Variants in HR observed in about 807,000 individuals in gnomAD.
HR encodes the protein HR lysine demethylase and nuclear receptor corepressor, also known as lysine-specific demethylase hairless.
Under a neutral mutation model 128.6 loss-of-function variants are expected in HR, and 83 were observed. The observed-to-expected ratio is 0.65, with a 90% CI of 0.54 to 0.77. The LOEUF is 0.77. Ranked by LOEUF, HR falls within the 30% of genes least tolerant of loss-of-function variation. The pLI is 0.00. For synonymous variants in HR, 681 were observed against 658.2 expected (o/e 1.03, Z -0.53); for missense variants, 1,490 against 1,574.6 (o/e 0.95, Z 0.91).
At chr8:22,123,617 T>TGGGCGCC in intron 6 of HR, 32 bp downstream of exon 6, 1 of 292,092 alleles carries the variant, frequency 3.4e-6, no homozygotes, top group Non-Finnish European at 6.2e-6. Flanking sequence ...GAGGGCTCCA[T>TGGGCGCC]CCCGCCCTCC....
chr8:22,115,717 A>G lies in HR; in HGVS notation c.3553T>C (p.Leu1185=), dbSNP rs1413632731. ...GCATCCCTCTATTTGGCCTCCTGTA[A>G]TGTCCCCACGGCCACCTTCACTGCT... The part of the protein sequence containing the change: ...FQAVKVAVGT[L]QEAK The change falls in exon 19 of 19, where the codon TTA becomes CTA. Residue 1185 remains leucine, a synonymous_variant. Coordinates refer to ENST00000381418, the MANE Select transcript of HR (RefSeq NM_005144.5). 1 of 1,613,672 alleles carries G rather than the reference A, an allele frequency of 6.2e-7. No homozygotes were observed. Among genetic ancestry groups the G allele is most frequent in the African/African-American group, 1.3e-5 (1 of 74,788 alleles).
At position 22,115,709 on chromosome 8, in the gene HR, C is replaced by T. The variant is rs757184282; in HGVS notation, c.3561G>A (p.Glu1187=). 12 of 1,613,982 alleles carry T rather than the reference C, an allele frequency of 7.4e-6. No individual in the cohort carries two copies. The highest frequency in any genetic ancestry group is 1.0e-5 in the Non-Finnish European group (12 of 1,179,978). The change falls in exon 19 of 19, where the codon GAG becomes GAA. Residue 1187 remains glutamate, a synonymous_variant. Transcript: ENST00000381418. ...AVKVAVGTLQ[E]AK ...GACACCTAGCATCCCTCTATTTGGC[C>T]TCCTGTAATGTCCCCACGGCCACCT...
intron 16 of HR, chr8:22,118,686 G>A (rs907483902): frequency 1.3e-5 from 7 of 555,172 alleles, no homozygotes; most frequent in South Asian, 4.2e-5. Flanking sequence ...CTAGCACCAC[G>A]TCCAGCCTCG....
intron 15 of HR, 46 bp downstream of exon 15, chr8:22,119,118 C>G (rs373521712): frequency 3.1e-6 from 5 of 1,613,548 alleles, no homozygotes; most frequent in Non-Finnish European, 4.2e-6. Flanking sequence ...GACAAACACT[C>G]ACCTCTGTAG....
chr8:22,122,477 A>G lies in HR; in HGVS notation c.2121+16T>C. On this transcript the variant is annotated intron_variant, in intron 8 of 18. Coordinates refer to ENST00000381418, the MANE Select transcript of HR (RefSeq NM_005144.5). ...GCAGGCACGATACCCAACCGGTGACATGCCCTGGGTCTTACCTGCTGGCCT... is the reference window on the plus strand; with the variant it reads ...GCAGGCACGATACCCAACCGGTGACGTGCCCTGGGTCTTACCTGCTGGCCT... 6.3e-7 allele frequency: 1 copy of G among 1,579,254 alleles called. No individual in the cohort carries two copies. Among genetic ancestry groups the G allele is most frequent in the Non-Finnish European group, 8.6e-7 (1 of 1,157,200 alleles).
Position 22,127,350 on chromosome 8 carries a change from C to T in HR, c.1092G>A (p.Lys364=), listed in dbSNP as rs764795999. 9 of 1,613,296 alleles carry T rather than the reference C, an allele frequency of 5.6e-6. No individual in the cohort carries two copies. Among genetic ancestry groups the T allele is most frequent in the East Asian group, 2.2e-5 (1 of 44,862 alleles). Residue 364 remains lysine, a synonymous_variant, in exon 3 of 19, where the codon AAG becomes AAA. Coordinates refer to ENST00000381418, the MANE Select transcript of HR (RefSeq NM_005144.5). ...GGGGACAGGCCCTGGGGCCAGAGGCCTTGTTCACTTCCTCGCTGGGTTCGC... is the reference window on the plus strand; with the variant it reads ...GGGGACAGGCCCTGGGGCCAGAGGCTTTGTTCACTTCCTCGCTGGGTTCGC... ...GASEPSEEVN[K]ASGPRACPPS...
At chr8:22,129,384 T>G (rs1826992014) in intron 1 of HR, among the ~76,000 whole-genome samples, 174 bp from the exon 2 acceptor site, 1 of 152,230 alleles carries the variant, frequency 6.6e-6, no homozygotes, top group Non-Finnish European at 1.5e-5. Flanking sequence ...AGACACATCT[T>G]GCTCCTCCAG....
At chr8:22,120,281 G>A in intron 12 of HR, 61 bp downstream of exon 12, 2 of 1,612,602 alleles carry the variant, frequency 1.2e-6, no homozygotes, top group Non-Finnish European at 1.7e-6. Context: ...GGACTCCTCT[G>A]CCACCCGATC....
chr8:22,128,834 G>GC lies in HR; in HGVS notation c.336dup (p.Pro113AlafsTer13). On this transcript the variant is annotated frameshift_variant, in exon 2 of 19. Transcript: ENST00000381418. LOFTEE classifies it high-confidence loss of function. ...GGGCCACAGCGAGGTGGGCACGCTG[G>GC]CCCGCAGAATGCCAGCGGATGGGTA... The GC allele has an allele frequency of 6.2e-7, 1 of 1,613,362 alleles. No individual in the cohort carries two copies. The highest frequency in any genetic ancestry group is 8.5e-7 in the Non-Finnish European group (1 of 1,179,984).
intron 9 of HR, 145 bp from the exon 10 acceptor site, chr8:22,121,373 G>A (rs911761521): frequency 1.8e-6 from 2 of 1,140,414 alleles, no homozygotes; most frequent in African/African-American, 3.1e-5. Flanking sequence ...TCTGCTCTGG[G>A]TCTCCCCGCT....
chr8:22,123,616 ATCCCGCC>A, intron 6 of HR, 26 bp downstream of exon 6: 14 of 562,338 alleles, frequency 2.5e-5, no homozygotes, highest in East Asian at 6.8e-5. Context: ...TGAGGGCTCC[ATCCCGCC>A]CTCCCACCCC....
chr8:22,126,321 G>GA, intron 3 of HR, among the ~76,000 whole-genome samples: 1 of 152,338 alleles, frequency 6.6e-6, no homozygotes, highest in South Asian at 2.1e-4. Flanking sequence ...CCAGGAAGCT[G>GA]AAAAAACCGA....
Position 22,115,543 on chromosome 8 carries a change from G to T in HR, c.*157C>A. ...GGCACTGTGGTTGTTGGCTTAAGGGGGAGGGGAACAGAGTGCCCTGCTTGT... is the reference window on the plus strand; with the variant it reads ...GGCACTGTGGTTGTTGGCTTAAGGGTGAGGGGAACAGAGTGCCCTGCTTGT... On this transcript the variant is annotated 3_prime_UTR_variant, in exon 19 of 19. Transcript: ENST00000381418. The T allele has an allele frequency of 1.4e-6, 1 of 698,900 alleles. No homozygotes were observed. The highest frequency in any genetic ancestry group is 2.6e-6 in the Non-Finnish European group (1 of 386,336). The allele number at this position is 698,900 out of a possible 1,614,324, so 43.3% of individuals were successfully genotyped here. A position where few individuals can be genotyped will look rare whatever the true frequency, so the allele number is the denominator to read the frequency against.
chr8:22,127,306 A>G lies in HR; in HGVS notation c.1136T>C (p.Leu379Pro). 1 of 1,613,290 alleles carries G rather than the reference A, an allele frequency of 6.2e-7. No homozygotes were observed. The highest frequency in any genetic ancestry group is 8.5e-7 in the Non-Finnish European group (1 of 1,180,004). Residue 379 changes from leucine to proline, a missense_variant, in exon 3 of 19, where the codon CTG becomes CCG. By Grantham distance (98) the Leu-to-Pro change is moderately conservative (BLOSUM62 -3). Transcript: ENST00000381418. Reference sequence around the variant, plus strand: ...GTGCCGTGTGAGCCATGTCTTCTTCAGCTTGGTGTGGTGGCTGGGGGGACA... The same window carrying G: ...GTGCCGTGTGAGCCATGTCTTCTTCGGCTTGGTGTGGTGGCTGGGGGGACA... The part of the protein sequence containing the change: ...RACPPSHHTK[L>P]KKTWLTRHSE...
intron 14 of HR, 139 bp downstream of exon 14, chr8:22,119,616 CAAAAA>C: frequency 1.3e-5 from 12 of 922,556 alleles, no homozygotes; most frequent in Non-Finnish European, 1.6e-5. Flanking sequence ...TCAACAACAA[CAAAAA>C]AAAAAAAAAA....
chr8:22,127,770 C>G lies in HR; in HGVS notation c.672G>C (p.Ala224=), dbSNP rs763305499. The part of the protein sequence containing the change: ...PRLAKEPLAA[A]EPGLFGLNSG... Reference sequence around the variant, plus strand: ...AGTTTAAGCCAAACAACCCAGGTTCCGCAGCTGCCAAGGGCTCCTTTGCCA... The same window carrying G: ...AGTTTAAGCCAAACAACCCAGGTTCGGCAGCTGCCAAGGGCTCCTTTGCCA... Residue 224 remains alanine, a synonymous_variant, in exon 3 of 19, where the codon GCG becomes GCC. Transcript: ENST00000381418. 2 of 1,600,438 alleles carry G rather than the reference C, an allele frequency of 1.2e-6. No homozygotes were observed. Among genetic ancestry groups the G allele is most frequent in the African/African-American group, 2.7e-5 (2 of 74,924 alleles).
chr8:22,120,041 G>A (rs1454431786), intron 13 of HR, 63 bp downstream of exon 13: 12 of 1,563,300 alleles, frequency 7.7e-6, no homozygotes, highest in Non-Finnish European at 1.0e-5. Context: ...AGGAGGGGAG[G>A]GCTGAACCAG....
chr8:22,117,467 T>C (rs1826621968), intron 16 of HR: 1 of 174,224 alleles, frequency 5.7e-6, no homozygotes, highest in African/African-American at 2.4e-5. Context: ...AATTGTGTGC[T>C]AAGTGGTGGA....
In HR at chr8:22,114,736, G is replaced by A. The variant is rs1246424124; in HGVS notation, c.*964C>T. ...TGGATCTCCAGGTCAGGGTAGACGG[G>A]AGAGATGGGGCGGACTGGAGCTTGC... On this transcript the variant is annotated 3_prime_UTR_variant, in exon 19 of 19. Transcript: ENST00000381418. 1 of 152,566 alleles carries A rather than the reference G, an allele frequency of 6.6e-6. No homozygotes were observed. Among genetic ancestry groups the A allele is most frequent in the Non-Finnish European group, 1.5e-5 (1 of 68,282 alleles). The allele number at this position is 152,566 out of a possible 1,614,324, so 9.5% of individuals were successfully genotyped here.
Sources: allele counts gnomAD v4.1 joint callset (sites outside exome capture counted in the v4.1 genomes callset), GRCh38; gene constraint gnomAD v4.1.1; transcripts MANE v1.5; gene names NCBI Gene and HGNC (gene_info 2026-07-23, HGNC 2026-07-21).